The following CDH13 variants were observed in gnomAD, a reference collection of about 807,000 sequenced individuals.
The protein encoded by CDH13 is cadherin-13.
A neutral mutation model predicts 63.8 loss-of-function variants in CDH13; 24 were observed. The observed-to-expected ratio is 0.38, with a 90% CI of 0.27 to 0.53. The LOEUF is 0.53. Among genes scored for constraint, CDH13 ranks in the 20% least tolerant of loss-of-function variants. The pLI is 0.85. For synonymous variants in CDH13, 503 were observed against 355.3 expected, an observed-to-expected ratio of 1.42 and a Z score of -4.67; for missense variants, 1,049 against 903.1, an observed-to-expected ratio of 1.16 and a Z score of -2.07.
At chr16:83,347,539 G>A (rs187950130) in intron 6 of CDH13, among the ~76,000 whole-genome samples, 21 of 152,242 alleles carry the variant, frequency 1.4e-4, no homozygotes, top group African/African-American at 4.1e-4. Flanking sequence ...GCACTGCGTC[G>A]AGTACTTACT....
intron 3 of CDH13, among the ~76,000 whole-genome samples, chr16:83,095,122 C>G (rs561717610): frequency 6.6e-6 from 1 of 152,108 alleles, no homozygotes; most frequent in Non-Finnish European, 1.5e-5. Flanking sequence ...ATAAAATAAC[C>G]CTGATTTGTG....
intron 6 of CDH13, among the ~76,000 whole-genome samples, chr16:83,470,773 C>G (rs1567694928): frequency 6.6e-6 from 1 of 152,194 alleles, no homozygotes; most frequent in Non-Finnish European, 1.5e-5. Context: ...AAAATAGACA[C>G]CGCTAGTATG....
At chr16:82,805,534 C>G (rs1275038596) in intron 1 of CDH13, among the ~76,000 whole-genome samples, 1 of 152,048 alleles carries the variant, frequency 6.6e-6, no homozygotes, top group African/African-American at 2.4e-5. Context: ...TATGGAACTG[C>G]GGGCAGGGCC....
At chr16:83,357,327 G>A (rs527289363) in intron 6 of CDH13, among the ~76,000 whole-genome samples, 2 of 152,260 alleles carry the variant, frequency 1.3e-5, no homozygotes, top group South Asian at 4.1e-4. Context: ...TAACATGTGT[G>A]TACATATACG....
chr16:82,789,702 G>C (rs766959777), intron 1 of CDH13, among the ~76,000 whole-genome samples: 2 of 152,158 alleles, frequency 1.3e-5, no homozygotes, highest in African/African-American at 4.8e-5. Context: ...TCATAAACAG[G>C]GCTGTGCTGC....
rs16961584 is a variant in CDH13 at position 83,741,269 on chromosome 16, C to T, written c.1539-6839C>T. On this transcript the variant is annotated intron_variant, in intron 10 of 13. Coordinates refer to ENST00000567109, the MANE Select transcript of CDH13 (RefSeq NM_001257.5). ...CTTCAATTGGGAGTTCTGTCTCTTT[C>T]TGGTTCTGCTTTTAATAATAAATAC... Among the ~76,000 whole-genome samples the T allele has an allele frequency of 9.3e-3, 1,423 of 152,234 alleles. 64 individuals carry two copies. The highest frequency in any genetic ancestry group is 0.068 in the Admixed American group (1,036 of 15,286).
At chr16:82,768,512 T>C (rs575629545) in intron 1 of CDH13, among the ~76,000 whole-genome samples, 6 of 152,328 alleles carry the variant, frequency 3.9e-5, no homozygotes, top group Non-Finnish European at 8.8e-5. Context: ...GCATGGTAGA[T>C]TCCAGCTATT....
intron 1 of CDH13, among the ~76,000 whole-genome samples, chr16:82,793,388 A>C (rs2036415652): frequency 6.6e-6 from 1 of 152,116 alleles, no homozygotes; most frequent in African/African-American, 2.4e-5. Context: ...AGGGAAAAAA[A>C]AAATCACTCC....
At chr16:83,382,021 A>G (rs1327964878) in intron 6 of CDH13, among the ~76,000 whole-genome samples, 1 of 152,176 alleles carries the variant, frequency 6.6e-6, no homozygotes, top group Non-Finnish European at 1.5e-5. Context: ...TTATGACCTA[A>G]CGGCTTAGAG....
chr16:83,315,975 T>G (rs1422339788), intron 5 of CDH13, among the ~76,000 whole-genome samples: 1 of 152,148 alleles, frequency 6.6e-6, no homozygotes, highest in Non-Finnish European at 1.5e-5. Context: ...TACTGGGTAA[T>G]TTATAAAGGA....
At chr16:83,723,062 G>A (rs1423299810) in intron 10 of CDH13, among the ~76,000 whole-genome samples, 2 of 152,178 alleles carry the variant, frequency 1.3e-5, no homozygotes, top group Admixed American at 6.5e-5. Context: ...TTTAAAATAT[G>A]GAATGAAGGT....
chr16:83,331,599 C>G (rs2090482089), intron 5 of CDH13, among the ~76,000 whole-genome samples: 1 of 152,034 alleles, frequency 6.6e-6, no homozygotes, highest in Non-Finnish European at 1.5e-5. Context: ...TTAACACATG[C>G]CTAGAAAAAT....
intron 4 of CDH13, among the ~76,000 whole-genome samples, chr16:83,182,096 GCTACATC>G (rs2038366711): frequency 1.3e-5 from 2 of 152,200 alleles, no homozygotes; most frequent in Admixed American, 1.3e-4. Context: ...ATAAATACCA[GCTACATC>G]CTAACAAATA....
intron 6 of CDH13, among the ~76,000 whole-genome samples, chr16:83,416,092 C>G (rs1028051448): frequency 1.4e-4 from 22 of 152,160 alleles, no homozygotes; most frequent in Admixed American, 2.6e-4. Flanking sequence ...AGTTATGTTT[C>G]TATACACTAA....
At chr16:83,129,904 A>G (rs117583819) in intron 4 of CDH13, among the ~76,000 whole-genome samples, 4,594 of 152,282 alleles carry the variant, frequency 0.03, 106 homozygotes, top group Non-Finnish European at 0.042. Flanking sequence ...CTCTGCTTTT[A>G]CCTCATTTCC....
chr16:83,569,555 T>C (rs1288035220), intron 7 of CDH13, among the ~76,000 whole-genome samples: 1 of 152,216 alleles, frequency 6.6e-6, no homozygotes, highest in Non-Finnish European at 1.5e-5. Flanking sequence ...TTTCTAAAAG[T>C]ATCTTACACA....
chr16:82,695,915 A>T (rs992073796), intron 1 of CDH13, among the ~76,000 whole-genome samples: 1 of 152,242 alleles, frequency 6.6e-6, no homozygotes, highest in Non-Finnish European at 1.5e-5. Flanking sequence ...GCAGCCTTGC[A>T]GATAAATGTC....
chr16:83,340,874 G>A (rs1000243172), intron 5 of CDH13, among the ~76,000 whole-genome samples: 4 of 151,972 alleles, frequency 2.6e-5, no homozygotes, highest in African/African-American at 9.7e-5. Context: ...CCTCCACAGT[G>A]GACTTTTTTT....
At chr16:83,069,982 G>T (rs2032314683) in intron 3 of CDH13, among the ~76,000 whole-genome samples, 1 of 151,992 alleles carries the variant, frequency 6.6e-6, no homozygotes, top group South Asian at 2.1e-4. Flanking sequence ...AAGAAAAATT[G>T]GGCCAATGGC....
Sources: allele counts gnomAD v4.1 joint callset (sites outside exome capture counted in the v4.1 genomes callset), GRCh38; gene constraint gnomAD v4.1.1; transcripts MANE v1.5; gene names NCBI Gene and HGNC (gene_info 2026-07-23, HGNC 2026-07-21).